Variants in IL1RAPL2 observed in about 807,000 individuals in gnomAD.
IL1RAPL2 encodes the protein X-linked interleukin-1 receptor accessory protein-like 2.
IL1RAPL2 carries 3 observed loss-of-function variants against 44.1 expected under a neutral mutation model. The ratio of observed to expected loss-of-function variants is 0.07; its 90% confidence interval spans 0.03 to 0.18. The LOEUF is 0.18. Ranked by LOEUF, IL1RAPL2 falls within the 10% of genes least tolerant of loss-of-function variation. The pLI is 1.00. For missense variants in IL1RAPL2, 391 were observed against 496.4 expected, an observed-to-expected ratio of 0.79 and a Z score of 2.02; for synonymous variants, 181 against 178.8, an observed-to-expected ratio of 1.01 and a Z score of -0.10.
At chrX:104,831,944 G>C (rs778074002) in intron 2 of IL1RAPL2, among the ~76,000 whole-genome samples, 3 of 111,709 alleles carry the variant, frequency 2.7e-5, no homozygotes. Flanking sequence ...TATTAGCCTT[G>C]TGTAAGCATA....
At chrX:105,549,449 T>C (rs2036833989) in intron 6 of IL1RAPL2, among the ~76,000 whole-genome samples, 1 of 111,334 alleles carries the variant, frequency 9.0e-6, no homozygotes, top group Non-Finnish European at 1.9e-5. Context: ...TAGAACTTGT[T>C]GGACCGTATA....
intron 2 of IL1RAPL2, among the ~76,000 whole-genome samples, chrX:104,672,281 A>G (rs993789687): frequency 6.3e-5 from 7 of 110,255 alleles, no homozygotes; most frequent in African/African-American, 2.0e-4. Context: ...AGAGTGTGAT[A>G]TTCCCCTTCC....
chrX:105,040,546 C>T lies in IL1RAPL2; in HGVS notation c.83-154929C>T, dbSNP rs772533848. Among the ~76,000 whole-genome samples the T allele has an allele frequency of 3.7e-3, 406 of 110,470 alleles. 4 individuals are homozygous for T. The highest frequency in any genetic ancestry group is 0.013 in the African/African-American group (389 of 29,814). ...TTGGTTGGTAAGCTATTGATTATTG[C>T]CACAATTTCAGATCCTGTTATTGGT... On this transcript the variant is annotated intron_variant, in intron 2 of 10. Coordinates refer to ENST00000372582, the MANE Select transcript of IL1RAPL2 (RefSeq NM_017416.2).
chrX:105,645,870 A>G (rs2037601837), intron 6 of IL1RAPL2, among the ~76,000 whole-genome samples: 3 of 111,679 alleles, frequency 2.7e-5, no homozygotes, highest in African/African-American at 9.8e-5. Flanking sequence ...GGCCTGACTC[A>G]TCACTCCCAA....
chrX:104,892,670 G>T (rs1420464949), intron 2 of IL1RAPL2, among the ~76,000 whole-genome samples: 1 of 111,462 alleles, frequency 9.0e-6, no homozygotes, highest in African/African-American at 3.3e-5. Flanking sequence ...GCATCTATCT[G>T]ATTCTTCTCC....
intron 7 of IL1RAPL2, among the ~76,000 whole-genome samples, chrX:105,734,394 G>A (rs1480072711): frequency 1.8e-5 from 2 of 110,005 alleles, no homozygotes; most frequent in African/African-American, 6.6e-5. Flanking sequence ...TTGAGAGCAA[G>A]CTTTTAAAAA....
intron 2 of IL1RAPL2, among the ~76,000 whole-genome samples, chrX:105,161,218 AAAT>A (rs34426902): frequency 4.7e-4 from 47 of 100,997 alleles, no homozygotes; most frequent in South Asian, 3.8e-3. Context: ...ACCCTGTCTC[AAAT>A]AATAATAATA....
intron 2 of IL1RAPL2, among the ~76,000 whole-genome samples, chrX:105,126,813 C>T (rs920182299): frequency 9.1e-6 from 1 of 110,462 alleles, no homozygotes; most frequent in Non-Finnish European, 1.9e-5. Flanking sequence ...CTGTGAATAC[C>T]GACAAAACAT....
Position 105,205,911 on chromosome X carries a change from G to A in IL1RAPL2, c.356+10163G>A, listed in dbSNP as rs1426150594. On this transcript the variant is annotated intron_variant, in intron 3 of 10. Transcript: ENST00000372582. ...AAGAAGACCAAGTTGAGAAGCAATT[G>A]TATTAGTTGAGGAGAGATGTGATGG... 2.7e-5 allele frequency among the ~76,000 whole-genome samples: 3 copies of A among 110,747 alleles called. No homozygotes were observed. In the East Asian group the frequency reaches 8.6e-4, roughly 32 times the overall value.
intron 5 of IL1RAPL2, among the ~76,000 whole-genome samples, chrX:105,479,216 G>A (rs891675281): frequency 1.8e-5 from 2 of 111,386 alleles, no homozygotes; most frequent in Non-Finnish European, 3.8e-5. Context: ...TTAGATTCAA[G>A]AAGAAGCTGC....
At chrX:105,685,138 C>A (rs1026179300) in intron 6 of IL1RAPL2, among the ~76,000 whole-genome samples, 1 of 111,894 alleles carries the variant, frequency 8.9e-6, no homozygotes, top group Non-Finnish European at 1.9e-5. Flanking sequence ...AAAATCAGAG[C>A]GCCTCTTCTC....
At chrX:105,328,458 A>G (rs1046275115) in intron 5 of IL1RAPL2, among the ~76,000 whole-genome samples, 3 of 111,909 alleles carry the variant, frequency 2.7e-5, no homozygotes, top group African/African-American at 9.7e-5. Context: ...TGTATTAAGT[A>G]AAATTTTACC....
chrX:105,706,303 T>TA (rs1292966548), intron 6 of IL1RAPL2, among the ~76,000 whole-genome samples: 1 of 112,134 alleles, frequency 8.9e-6, no homozygotes, highest in East Asian at 2.8e-4. Context: ...CTGCTAAAGA[T>TA]ACACATTAAT....
At chrX:105,465,926 C>A (rs755331401) in intron 5 of IL1RAPL2, among the ~76,000 whole-genome samples, 81 of 111,710 alleles carry the variant, frequency 7.3e-4, no homozygotes, top group Non-Finnish European at 8.3e-4. Flanking sequence ...GTTTTCCTAT[C>A]TTTTAAGGGC....
intron 5 of IL1RAPL2, among the ~76,000 whole-genome samples, chrX:105,416,253 A>G: frequency 8.9e-6 from 1 of 111,947 alleles, no homozygotes; most frequent in Middle Eastern, 4.6e-3. Context: ...TATATGTGAC[A>G]CTGTTTGCCT....
intron 2 of IL1RAPL2, among the ~76,000 whole-genome samples, chrX:105,036,569 A>G (rs61385420): frequency 0.027 from 3,043 of 111,791 alleles, 116 homozygotes; most frequent in African/African-American, 0.094. Flanking sequence ...TTCCAGAAAT[A>G]TTTTTCTTAT....
intron 5 of IL1RAPL2, among the ~76,000 whole-genome samples, chrX:105,476,334 G>A (rs2036197405): frequency 8.9e-6 from 1 of 112,458 alleles, no homozygotes; most frequent in African/African-American, 3.2e-5. Flanking sequence ...ATATACATGT[G>A]AGGAACATGA....
chrX:105,457,479 C>A (rs1405615973), intron 5 of IL1RAPL2, among the ~76,000 whole-genome samples: 1 of 109,969 alleles, frequency 9.1e-6, no homozygotes, highest in African/African-American at 3.3e-5. Context: ...ATTCTGGGTA[C>A]CTCATATAAG....
At chrX:104,673,175 G>T (rs1250042168) in intron 2 of IL1RAPL2, among the ~76,000 whole-genome samples, 1 of 111,644 alleles carries the variant, frequency 9.0e-6, no homozygotes, top group Non-Finnish European at 1.9e-5. Flanking sequence ...CCTTGCCCAT[G>T]CCTATGTCCT....
Sources: allele counts gnomAD v4.1 joint callset (sites outside exome capture counted in the v4.1 genomes callset), GRCh38; gene constraint gnomAD v4.1.1; transcripts MANE v1.5; gene names NCBI Gene and HGNC (gene_info 2026-07-23, HGNC 2026-07-21).